Variants in ZNF277 observed in about 807,000 individuals in gnomAD.
The protein encoded by ZNF277 is nuclear receptor-interacting factor 4.
In ZNF277, 55 loss-of-function variants were observed where a neutral mutation model predicts 60.7. The observed-to-expected ratio is 0.91, with a 90% confidence interval of 0.73 to 1.13. ZNF277 has a LOEUF of 1.13. ZNF277 is among the 50% of genes most tolerant of loss of function. ZNF277 has a pLI of 0.00. For missense variants in ZNF277, 510 were observed against 523.0 expected (o/e 0.98, Z 0.24); for synonymous variants, 178 against 179.3 (o/e 0.99, Z 0.06).
chr7:112,300,485 G>T lies in ZNF277; in HGVS notation c.465+4174G>T, dbSNP rs1028055282. Among the ~76,000 whole-genome samples the T allele has an allele frequency of 2.6e-5, 4 of 152,172 alleles. No individual in the cohort carries two copies. In the East Asian group the frequency reaches 7.7e-4, roughly 29 times the overall value. ...TTCTTTTCCCTCTTTTCTCTTAAATGTGTATACATATGTTTCTCAAGATCT... is the reference window on the plus strand; with the variant it reads ...TTCTTTTCCCTCTTTTCTCTTAAATTTGTATACATATGTTTCTCAAGATCT... On this transcript the variant is annotated intron_variant, in intron 4 of 11. Transcript: ENST00000361822.
Position 112,342,923 on chromosome 7 carries a change from A to G in ZNF277, c.*194A>G, listed in dbSNP as rs1793473260. 1.5e-5 allele frequency: 6 copies of G among 390,106 alleles called. No homozygotes were observed. The highest frequency in any genetic ancestry group is 2.7e-5 in the Non-Finnish European group (6 of 223,074). The allele number at this position is 390,106 out of a possible 1,614,324, so 24.2% of individuals were successfully genotyped here. A position where few individuals can be genotyped will look rare whatever the true frequency, so the allele number is the denominator to read the frequency against. On this transcript the variant is annotated 3_prime_UTR_variant, in exon 12 of 12. Coordinates refer to ENST00000361822, the MANE Select transcript of ZNF277 (RefSeq NM_021994.3). ...AATGCACTTACTAAGAACATGAAAAAAAATGAAGTAGGAAAATAAGATGAA... is the reference window on the plus strand; with the variant it reads ...AATGCACTTACTAAGAACATGAAAAGAAATGAAGTAGGAAAATAAGATGAA...
At chr7:112,336,224 C>G (rs1584421445) in intron 8 of ZNF277, 53 bp downstream of exon 8, 2 of 1,500,862 alleles carry the variant, frequency 1.3e-6, no homozygotes, top group East Asian at 4.8e-5. Flanking sequence ...AGTAAGAAGA[C>G]AATGCTTTAG....
chr7:112,259,204 A>G (rs750489777), intron 1 of ZNF277, among the ~76,000 whole-genome samples: 2 of 152,166 alleles, frequency 1.3e-5, no homozygotes, highest in African/African-American at 4.8e-5. Flanking sequence ...ACCCCCAAAT[A>G]TAATAAAATA....
At chr7:112,305,604 G>A (rs1792570731) in intron 4 of ZNF277, among the ~76,000 whole-genome samples, 1 of 150,550 alleles carries the variant, frequency 6.6e-6, no homozygotes, top group Non-Finnish European at 1.5e-5. Context: ...GAGCCTTTAG[G>A]AAGTTTTTAC....
intron 4 of ZNF277, among the ~76,000 whole-genome samples, chr7:112,312,822 C>T (rs1030680700): frequency 2.0e-5 from 3 of 152,204 alleles, no homozygotes; most frequent in Non-Finnish European, 4.4e-5. Flanking sequence ...AATGTCATGA[C>T]ATAGCTATGT....
rs529187438 is a variant in ZNF277 at position 112,343,620 on chromosome 7, A to G, written c.*891A>G. ...AAAAATGCATAATTTGGATATAATG[A>G]AGAAACAGTCAAATCCAAGTTTGAG... On this transcript the variant is annotated 3_prime_UTR_variant, in exon 12 of 12. Coordinates refer to ENST00000361822, the MANE Select transcript of ZNF277 (RefSeq NM_021994.3). Among the ~76,000 whole-genome samples the G allele has an allele frequency of 6.6e-6, 1 of 152,270 alleles. No individual in the cohort carries two copies. The highest frequency in any genetic ancestry group is 2.1e-4 in the South Asian group (1 of 4,824).
At chr7:112,259,569 G>A (rs981703065) in intron 1 of ZNF277, among the ~76,000 whole-genome samples, 5 of 152,264 alleles carry the variant, frequency 3.3e-5, no homozygotes, top group Admixed American at 1.3e-4. Context: ...GACACGTCCA[G>A]TGACTTTGTT....
intron 4 of ZNF277, among the ~76,000 whole-genome samples, chr7:112,315,772 A>G (rs1037083538): frequency 6.6e-6 from 1 of 152,122 alleles, no homozygotes; most frequent in Non-Finnish European, 1.5e-5. Flanking sequence ...AATAAGGAAT[A>G]ATTATATTTG....
At chr7:112,228,980 A>T (rs1418374857) in intron 1 of ZNF277, among the ~76,000 whole-genome samples, 1 of 152,206 alleles carries the variant, frequency 6.6e-6, no homozygotes, top group African/African-American at 2.4e-5. Context: ...TATTTTACAA[A>T]GTTTAAAGCA....
intron 4 of ZNF277, among the ~76,000 whole-genome samples, chr7:112,308,465 C>T (rs4727765): frequency 0.058 from 8,760 of 151,838 alleles, 351 homozygotes; most frequent in East Asian, 0.12. Flanking sequence ...TGCAGTGAGT[C>T]GAGATCATAC....
chr7:112,318,118 T>C, intron 4 of ZNF277, 64 bp from the exon 5 acceptor site: 1 of 1,388,566 alleles, frequency 7.2e-7, no homozygotes, highest in Non-Finnish European at 1.0e-6. Flanking sequence ...CATCCAGACT[T>C]TGACATTTTT....
At chr7:112,226,143 G>T (rs1242624995) in intron 1 of ZNF277, among the ~76,000 whole-genome samples, 2 of 152,120 alleles carry the variant, frequency 1.3e-5, no homozygotes, top group Non-Finnish European at 2.9e-5. Flanking sequence ...TATTAAGAAT[G>T]TTACCATCCC....
At chr7:112,329,496 C>A (rs1394848878) in intron 6 of ZNF277, among the ~76,000 whole-genome samples, 2 of 151,986 alleles carry the variant, frequency 1.3e-5, no homozygotes, top group African/African-American at 2.4e-5. Flanking sequence ...TGAATAAATA[C>A]CTAGCACAGT....
At chr7:112,219,811 A>AT (rs1270961834) in intron 1 of ZNF277, among the ~76,000 whole-genome samples, 1 of 152,006 alleles carries the variant, frequency 6.6e-6, no homozygotes, top group African/African-American at 2.4e-5. Context: ...AAATTTTAAA[A>AT]TTTTTTGTAG....
intron 4 of ZNF277, among the ~76,000 whole-genome samples, chr7:112,299,987 A>C (rs749267813): frequency 1.5e-4 from 23 of 152,192 alleles, no homozygotes; most frequent in Non-Finnish European, 3.1e-4. Flanking sequence ...ACTGTAACTT[A>C]AGGGCAGAAA....
chr7:112,286,535 G>A (rs1302323771), intron 1 of ZNF277, among the ~76,000 whole-genome samples: 2 of 152,100 alleles, frequency 1.3e-5, no homozygotes, highest in Non-Finnish European at 2.9e-5. Context: ...CCAGAGTGTT[G>A]CAGCCTTCCC....
chr7:112,249,554 G>A (rs1402907233), intron 1 of ZNF277, among the ~76,000 whole-genome samples: 1 of 152,084 alleles, frequency 6.6e-6, no homozygotes, highest in African/African-American at 2.4e-5. Context: ...CCTGGATGAT[G>A]TGTTCAAGCA....
chr7:112,339,999 T>G, intron 10 of ZNF277, 114 bp downstream of exon 10: 1 of 908,982 alleles, frequency 1.1e-6, no homozygotes, highest in Non-Finnish European at 1.7e-6. Context: ...AAAACATGTC[T>G]CTCTATAGAT....
intron 4 of ZNF277, among the ~76,000 whole-genome samples, chr7:112,314,986 G>T (rs1340724850): frequency 6.6e-6 from 1 of 151,990 alleles, no homozygotes; most frequent in Non-Finnish European, 1.5e-5. Flanking sequence ...TTTTTTAAAG[G>T]TTCATTTACA....
Sources: allele counts gnomAD v4.1 joint callset (sites outside exome capture counted in the v4.1 genomes callset), GRCh38; gene constraint gnomAD v4.1.1; transcripts MANE v1.5; gene names NCBI Gene and HGNC (gene_info 2026-07-23, HGNC 2026-07-21).